GRIK4: variants seen among roughly 807,000 people sequenced by gnomAD.
The protein encoded by GRIK4 is glutamate ionotropic receptor kainate type subunit 4, also known as glutamate receptor ionotropic, kainate 4.
Under a neutral mutation model 104.9 loss-of-function variants are expected in GRIK4, and 40 were observed. That is an observed-to-expected ratio of 0.38 (90% confidence interval 0.30 to 0.50). The LOEUF is 0.50. Among genes scored for constraint, GRIK4 ranks in the 20% least tolerant of loss-of-function variants. The pLI is 0.93. For synonymous variants in GRIK4, 485 were observed against 524.9 expected (o/e 0.92, Z 1.04); for missense variants, 1,047 against 1,308.1 (o/e 0.80, Z 3.08).
intron 6 of GRIK4, 137 bp from the exon 7 acceptor site, chr11:120,831,715 C>T (rs1371159163): frequency 3.3e-6 from 2 of 602,890 alleles, no homozygotes; most frequent in Non-Finnish European, 5.9e-6. Context: ...TATGATCTGT[C>T]TCCTTAATGC....
intron 3 of GRIK4, among the ~76,000 whole-genome samples, chr11:120,725,914 TACAG>T (rs1415641238): frequency 2.0e-5 from 3 of 152,176 alleles, no homozygotes; most frequent in African/African-American, 4.8e-5. Flanking sequence ...GTGGGGGGTA[TACAG>T]ACAGACAATA....
intron 13 of GRIK4, among the ~76,000 whole-genome samples, chr11:120,925,117 G>C (rs1943314385): frequency 1.3e-5 from 2 of 152,190 alleles, no homozygotes; most frequent in Non-Finnish European, 2.9e-5. Context: ...GGGTGAAAAA[G>C]TGGGAACAGA....
intron 3 of GRIK4, among the ~76,000 whole-genome samples, chr11:120,723,021 G>A (rs1202323510): frequency 6.6e-6 from 1 of 152,160 alleles, no homozygotes; most frequent in Non-Finnish European, 1.5e-5. Context: ...CATATGTGAA[G>A]TTTAAAATGT....
At chr11:120,579,014 T>C (rs909963474) in intron 1 of GRIK4, among the ~76,000 whole-genome samples, 2 of 152,002 alleles carry the variant, frequency 1.3e-5, no homozygotes, top group African/African-American at 4.8e-5. Flanking sequence ...AGCCATACAC[T>C]ATCCCTCTGT....
intron 1 of GRIK4, among the ~76,000 whole-genome samples, chr11:120,528,803 C>G (rs1008597270): frequency 6.6e-6 from 1 of 152,170 alleles, no homozygotes; most frequent in East Asian, 1.9e-4. Context: ...ATGAGAACAA[C>G]ACGGGAAAGA....
chr11:120,824,811 A>G (rs1365131935), intron 6 of GRIK4, among the ~76,000 whole-genome samples: 1 of 151,756 alleles, frequency 6.6e-6, no homozygotes, highest in African/African-American at 2.4e-5. Flanking sequence ...CGGCCTCCCG[A>G]AGTGCTGGGA....
At chr11:120,730,995 A>C (rs549538846) in intron 3 of GRIK4, among the ~76,000 whole-genome samples, 2 of 152,312 alleles carry the variant, frequency 1.3e-5, no homozygotes, top group African/African-American at 4.8e-5. Context: ...ATGCAAGATC[A>C]TATCATCTGC....
intron 3 of GRIK4, among the ~76,000 whole-genome samples, chr11:120,738,617 G>GCAGCAGC (rs1222004730): frequency 1.3e-5 from 2 of 152,328 alleles, no homozygotes; most frequent in East Asian, 3.9e-4. Context: ...AGCAGGGCAG[G>GCAGCAGC]CAGCAGCCAG....
In GRIK4 at chr11:120,649,713, CACAG is replaced by C. The variant is rs1490682350; in HGVS notation, c.-158-3967_-158-3964del. ...TGCAGCACACACACCCTCACTCAAA[CACAG>C]ACAGTCATCTGCAGGACTGCTCATC... On this transcript the variant is annotated intron_variant, in intron 1 of 20. Transcript: ENST00000527524. Among the ~76,000 whole-genome samples, 3 of 152,216 alleles carry C rather than the reference CACAG, an allele frequency of 2.0e-5. No individual in the cohort carries two copies. In the East Asian group the frequency reaches 5.8e-4, roughly 29 times the overall value.
intron 3 of GRIK4, among the ~76,000 whole-genome samples, chr11:120,678,735 G>A (rs1312697842): frequency 6.6e-6 from 1 of 151,982 alleles, no homozygotes; most frequent in African/African-American, 2.4e-5. Context: ...CCGGGTTCAA[G>A]CAATTCTCCT....
intron 1 of GRIK4, among the ~76,000 whole-genome samples, chr11:120,647,664 T>A (rs1949561637): frequency 6.6e-6 from 1 of 152,248 alleles, no homozygotes; most frequent in Non-Finnish European, 1.5e-5. Flanking sequence ...GTGGCCCACA[T>A]CTTCCAAGAT....
chr11:120,948,464 T>C (rs1415214852), intron 14 of GRIK4, among the ~76,000 whole-genome samples: 1 of 152,156 alleles, frequency 6.6e-6, no homozygotes, highest in Non-Finnish European at 1.5e-5. Flanking sequence ...ATGACGTCTT[T>C]GGGTAGGCTG....
intron 1 of GRIK4, among the ~76,000 whole-genome samples, chr11:120,608,824 C>T (rs1161286967): frequency 1.3e-5 from 2 of 151,780 alleles, no homozygotes; most frequent in African/African-American, 4.9e-5. Flanking sequence ...ACCTTGGATG[C>T]TCCTTCTTCA....
chr11:120,774,938 C>G (rs1165380527), intron 3 of GRIK4, among the ~76,000 whole-genome samples: 3 of 152,190 alleles, frequency 2.0e-5, no homozygotes, highest in Admixed American at 2.0e-4. Context: ...GAGTGACACT[C>G]TACCACAGGG....
At chr11:120,663,974 T>G (rs982940751) in intron 3 of GRIK4, among the ~76,000 whole-genome samples, 1 of 152,228 alleles carries the variant, frequency 6.6e-6, no homozygotes, top group East Asian at 1.9e-4. Context: ...CCGTGTTATA[T>G]TCTAAAGATT....
intron 11 of GRIK4, among the ~76,000 whole-genome samples, chr11:120,883,810 T>G (rs1024419030): frequency 1.3e-5 from 2 of 152,260 alleles, no homozygotes; most frequent in African/African-American, 2.4e-5. Context: ...CCCATCACGC[T>G]TCTGCCTGAG....
At chr11:120,656,175 T>G (rs1015678813) in intron 2 of GRIK4, among the ~76,000 whole-genome samples, 3 of 152,252 alleles carry the variant, frequency 2.0e-5, no homozygotes, top group Admixed American at 1.3e-4. Flanking sequence ...AATGTTAAGC[T>G]GAAAAGAAGA....
At chr11:120,779,891 A>G (rs1952117740) in intron 3 of GRIK4, among the ~76,000 whole-genome samples, 1 of 152,244 alleles carries the variant, frequency 6.6e-6, no homozygotes, top group East Asian at 1.9e-4. Flanking sequence ...TTGGTAGAGC[A>G]GGAGATCTGG....
chr11:120,699,637 T>C (rs12273984), intron 3 of GRIK4, among the ~76,000 whole-genome samples: 27,200 of 150,822 alleles, frequency 0.18, 3,112 homozygotes, highest in African/African-American at 0.33. Context: ...GCAGGAAAGG[T>C]GATAGGGAAT....
Sources: gnomAD v4.1 joint callset for allele counts (sites outside exome capture counted in the v4.1 genomes callset) on GRCh38, gnomAD v4.1.1 for gene constraint, MANE v1.5 for transcripts, NCBI Gene and HGNC (gene_info 2026-07-23, HGNC 2026-07-21) for gene names.